Variants in PCDHGA3 observed in about 807,000 individuals in gnomAD.
The protein encoded by PCDHGA3 is protocadherin gamma-A3.
PCDHGA3 carries 40 observed loss-of-function variants against 58.5 expected under a neutral mutation model. That is an observed-to-expected ratio of 0.68 (90% CI 0.53 to 0.89). The LOEUF (loss-of-function observed/expected upper bound fraction) is 0.89. PCDHGA3 is among the 40% of genes least tolerant of loss of function. The pLI, the probability that PCDHGA3 is intolerant of heterozygous loss-of-function variation, is 0.00. For synonymous variants in PCDHGA3, 530 were observed against 525.7 expected, an observed-to-expected ratio of 1.01 and a Z score of -0.11; for missense variants, 1,223 against 1,195.9, an observed-to-expected ratio of 1.02 and a Z score of -0.33.
chr5:141,403,419 A>G, intron 1 of PCDHGA3: 1 of 1,614,050 alleles, frequency 6.2e-7, no homozygotes, highest in Non-Finnish European at 8.5e-7. Context: ...CCACTTCCAG[A>G]AGCTATTGAT....
intron 1 of PCDHGA3, among the ~76,000 whole-genome samples, chr5:141,448,784 C>CAA (rs576464275): frequency 4.8e-5 from 7 of 145,806 alleles, no homozygotes; most frequent in East Asian, 2.0e-4. Context: ...ACTAAAAATA[C>CAA]AAAAAAAAAA....
At chr5:141,372,101 C>G (rs984585015) in intron 1 of PCDHGA3, 15 of 1,613,794 alleles carry the variant, frequency 9.3e-6, no homozygotes, top group Non-Finnish European at 1.3e-5. Flanking sequence ...CTCTGGGGCC[C>G]GAAGGCTCTG....
At chr5:141,409,217 G>A (rs1394491727) in intron 1 of PCDHGA3, 1 of 1,613,852 alleles carries the variant, frequency 6.2e-7, no homozygotes, top group Non-Finnish European at 8.5e-7. Context: ...AGAAATCCTT[G>A]ATGAAAACGA....
At chr5:141,414,811 C>T in intron 1 of PCDHGA3, 3 of 1,614,254 alleles carry the variant, frequency 1.9e-6, no homozygotes, top group Non-Finnish European at 2.5e-6. Context: ...GGATCCTCCA[C>T]TCAGCAGCAA....
At chr5:141,454,181 G>A (rs1290295830) in intron 1 of PCDHGA3, among the ~76,000 whole-genome samples, 1 of 152,200 alleles carries the variant, frequency 6.6e-6, no homozygotes, top group Non-Finnish European at 1.5e-5. Context: ...GCAGCTAAAG[G>A]AGCTTAGTGA....
chr5:141,362,843 G>A (rs1762701976), intron 1 of PCDHGA3, among the ~76,000 whole-genome samples: 1 of 152,134 alleles, frequency 6.6e-6, no homozygotes, highest in Admixed American at 6.5e-5. Flanking sequence ...GAGACTTTAG[G>A]CAATTAGTTT....
At chr5:141,365,935 C>T (rs1191838027) in intron 1 of PCDHGA3, 1 of 1,614,222 alleles carries the variant, frequency 6.2e-7, no homozygotes, top group Non-Finnish European at 8.5e-7. Context: ...TGACAGCCAG[C>T]GACAGTGGGA....
chr5:141,377,571 G>A (rs1188090213), intron 1 of PCDHGA3: 1 of 151,658 alleles, frequency 6.6e-6, no homozygotes, highest in African/African-American at 2.4e-5. Context: ...ACCCTAGCCT[G>A]GGAGACAGAA....
At position 141,350,735 on chromosome 5, in the gene PCDHGA3, G is replaced by A. The variant is rs1304871310; in HGVS notation, c.2424+4278G>A. The A allele has an allele frequency of 8.7e-6, 14 of 1,613,870 alleles. No homozygotes were observed. The highest frequency in any genetic ancestry group is 7.6e-6 in the Non-Finnish European group (9 of 1,179,904). On this transcript the variant is annotated intron_variant, in intron 1 of 3. Transcript: ENST00000253812. ...TCTGGATTCTGCTCAAGATGCAGAT[G>A]TGGAAGGCAATTCACTGAAGTTATA...
chr5:141,379,512 A>C (rs1476847864), intron 1 of PCDHGA3: 1 of 152,258 alleles, frequency 6.6e-6, no homozygotes, highest in African/African-American at 2.4e-5. Context: ...GTTAAACTAC[A>C]TCTTGAGCAT....
intron 1 of PCDHGA3, chr5:141,427,261 C>A (rs903526432): frequency 1.5e-5 from 7 of 456,556 alleles, no homozygotes; most frequent in African/African-American, 4.0e-5. Flanking sequence ...GGAGGCATGA[C>A]CAGCGAATGT....
At chr5:141,478,143 A>G (rs759384540) in intron 1 of PCDHGA3, 72 of 1,614,014 alleles carry the variant, frequency 4.5e-5, no homozygotes, top group Middle Eastern at 3.3e-4. Context: ...GCCCGAGCCG[A>G]GTTCCCCTCT....
intron 1 of PCDHGA3, among the ~76,000 whole-genome samples, chr5:141,359,151 T>C (rs1761131965): frequency 6.6e-6 from 1 of 152,200 alleles, no homozygotes; most frequent in South Asian, 2.1e-4. Flanking sequence ...GAATATGATA[T>C]GATGCAGTTA....
At chr5:141,472,323 C>T (rs980684595) in intron 1 of PCDHGA3, among the ~76,000 whole-genome samples, 4 of 151,498 alleles carry the variant, frequency 2.6e-5, no homozygotes, top group East Asian at 2.0e-4. Flanking sequence ...AGGCAGATCA[C>T]GAGGTTGGGA....
chr5:141,509,663 G>A (rs933532930), intron 3 of PCDHGA3, among the ~76,000 whole-genome samples: 1 of 152,140 alleles, frequency 6.6e-6, no homozygotes, highest in Non-Finnish European at 1.5e-5. Context: ...ACTTCTCTGG[G>A]CCCCAGTTTC....
chr5:141,417,839 C>A, intron 1 of PCDHGA3: 1 of 1,534,218 alleles, frequency 6.5e-7, no homozygotes, highest in South Asian at 1.2e-5. Flanking sequence ...AGCGGGGACC[C>A]AGCGAGAACC....
chr5:141,494,740 T>C, intron 1 of PCDHGA3, 67 bp from the exon 2 acceptor site: 1 of 1,612,194 alleles, frequency 6.2e-7, no homozygotes, highest in Non-Finnish European at 8.5e-7. Context: ...GGCCCATCCC[T>C]AGGGGCTCGG....
At chr5:141,408,712 T>C in intron 1 of PCDHGA3, 2 of 1,612,332 alleles carry the variant, frequency 1.2e-6, no homozygotes, top group Non-Finnish European at 1.7e-6. Flanking sequence ...TTAAAGATTA[T>C]AAGATAAACT....
intron 1 of PCDHGA3, chr5:141,413,907 G>C (rs745956130): frequency 6.2e-7 from 1 of 1,613,270 alleles, no homozygotes; most frequent in Non-Finnish European, 8.5e-7. Context: ...ACAACGCGCC[G>C]GTCTTCACCT....
Sources: allele counts gnomAD v4.1 joint callset (sites outside exome capture counted in the v4.1 genomes callset), GRCh38; gene constraint gnomAD v4.1.1; transcripts MANE v1.5; gene names NCBI Gene and HGNC (gene_info 2026-07-23, HGNC 2026-07-21).